TBP: variants seen among roughly 807,000 people sequenced by gnomAD.
TBP encodes the protein TATA-box binding protein, also known as TATA-box-binding protein.
TBP carries 12 observed loss-of-function variants against 46.2 expected under a neutral mutation model. The observed-to-expected ratio is 0.26, with a 90% CI of 0.17 to 0.42. The LOEUF (loss-of-function observed/expected upper bound fraction) is 0.42. TBP is among the 10% of genes least tolerant of loss of function. The pLI is 1.00. For missense variants in TBP, 229 were observed against 403.1 expected (o/e 0.57, Z 3.70); for synonymous variants, 157 against 148.3 (o/e 1.06, Z -0.42).
chr6:170,563,027 G>C (rs1456218756), intron 3 of TBP, among the ~76,000 whole-genome samples: 1 of 151,904 alleles, frequency 6.6e-6, no homozygotes, highest in Non-Finnish European at 1.5e-5. Context: ...ATCATTTTTG[G>C]AACTAAGTGG....
intron 6 of TBP, among the ~76,000 whole-genome samples, chr6:170,570,788 G>A (rs988339949): frequency 2.0e-5 from 3 of 151,876 alleles, no homozygotes; most frequent in Non-Finnish European, 2.9e-5. Flanking sequence ...AGCCAAGATC[G>A]TGCCACTGTA....
chr6:170,566,950 G>A lies in TBP; in HGVS notation c.618G>A (p.Glu206=). The A allele has an allele frequency of 6.2e-7, 1 of 1,613,708 alleles. No individual in the cohort carries two copies. Among genetic ancestry groups the A allele is most frequent in the Non-Finnish European group, 8.5e-7 (1 of 1,179,784 alleles). The change falls in exon 5 of 8, where the codon GAG becomes GAA. Residue 206 remains glutamate (E), a synonymous_variant. Transcript: ENST00000392092. ...CTGCGGTAATCATGAGGATAAGAGAGCCACGAACCACGGCACTGATTTTCA... is the reference window on the plus strand; with the variant it reads ...CTGCGGTAATCATGAGGATAAGAGAACCACGAACCACGGCACTGATTTTCA... ...RFAAVIMRIR[E]PRTTALIFSS... is the part of the protein sequence containing the mutation.
At position 170,572,294 on chromosome 6, in the gene TBP, C is replaced by T. The variant is rs1433364672; in HGVS notation, c.*29C>T. The T allele has an allele frequency of 6.6e-7, 1 of 1,526,624 alleles. No homozygotes were observed. The highest frequency in any genetic ancestry group is 8.9e-7 in the Non-Finnish European group (1 of 1,118,142). The allele number at this position is 1,526,624 out of a possible 1,614,324, so 94.6% of individuals were successfully genotyped here. On this transcript the variant is annotated 3_prime_UTR_variant, in exon 8 of 8. Coordinates refer to ENST00000392092, the MANE Select transcript of TBP (RefSeq NM_003194.5). ...CTCTCATGTACCCTTGCCTCCCCCA[C>T]CCCCTTCTTTTTTTTTTTTTAAACA...
chr6:170,570,574 T>G (rs1014409897), intron 6 of TBP, among the ~76,000 whole-genome samples: 2 of 152,174 alleles, frequency 1.3e-5, no homozygotes, highest in African/African-American at 4.8e-5. Flanking sequence ...GGCTCACACC[T>G]GTAATCCCAG....
intron 2 of TBP, among the ~76,000 whole-genome samples, chr6:170,561,341 C>T (rs759342680): frequency 3.9e-5 from 6 of 152,146 alleles, no homozygotes; most frequent in Admixed American, 2.0e-4. Context: ...GTAGTATCTC[C>T]GAGGTATGCC....
chr6:170,572,518 C>G lies in TBP; in HGVS notation c.*253C>G, dbSNP rs1358053897. 6.6e-6 allele frequency: 3 copies of G among 454,148 alleles called. No individual in the cohort carries two copies. The highest frequency in any genetic ancestry group is 7.8e-6 in the Non-Finnish European group (2 of 257,846). 28.1% of individuals were successfully genotyped at this position (454,148 alleles called of 1,614,324 possible). On this transcript the variant is annotated 3_prime_UTR_variant, in exon 8 of 8. Transcript: ENST00000392092. ...GTGCTGCTATCTGGGCAGCGCTGCCCATTTATTTATATGTAGATTTTAAAC... is the reference window on the plus strand; with the variant it reads ...GTGCTGCTATCTGGGCAGCGCTGCCGATTTATTTATATGTAGATTTTAAAC...
intron 3 of TBP, among the ~76,000 whole-genome samples, 160 bp downstream of exon 3, chr6:170,562,393 A>G (rs1442050508): frequency 1.3e-5 from 2 of 152,188 alleles, no homozygotes; most frequent in African/African-American, 4.8e-5. Context: ...AAGGGAAGCA[A>G]AGCTATCTTA....
In TBP at chr6:170,554,378, G is replaced by C. The variant is rs916625029; in HGVS notation, c.-234G>C. 7 of 152,664 alleles carry C rather than the reference G, an allele frequency of 4.6e-5. No individual in the cohort carries two copies. Among genetic ancestry groups the C allele is most frequent in the African/African-American group, 1.4e-4 (6 of 41,600 alleles). 9.5% of individuals were successfully genotyped at this position (152,664 alleles called of 1,614,324 possible). ...CGCGCGCCAGGGGTTCAGTGAGGTCGGGCAGGTTCGCTGTGGCGGGCGCCT... is the reference window on the plus strand; with the variant it reads ...CGCGCGCCAGGGGTTCAGTGAGGTCCGGCAGGTTCGCTGTGGCGGGCGCCT... On this transcript the variant is annotated 5_prime_UTR_variant, in exon 1 of 8. Transcript: ENST00000392092.
chr6:170,554,862 G>A (rs1237308939), intron 1 of TBP, among the ~76,000 whole-genome samples: 6 of 152,158 alleles, frequency 3.9e-5, no homozygotes, highest in African/African-American at 1.4e-4. Context: ...CCAACATTGA[G>A]ACTTAAATAT....
chr6:170,562,123 T>C lies in TBP; in HGVS notation c.387T>C (p.Thr129=), dbSNP rs1779161583. 1 of 1,614,114 alleles carries C rather than the reference T, an allele frequency of 6.2e-7. No homozygotes were observed. The highest frequency in any genetic ancestry group is 1.1e-5 in the South Asian group (1 of 91,080). The change falls in exon 3 of 8, where the codon ACT becomes ACC. Residue 129 remains threonine (T), a synonymous_variant. Coordinates refer to ENST00000392092, the MANE Select transcript of TBP (RefSeq NM_003194.5). The part of the protein sequence containing the change: ...PQLFHSQTLT[T]APLPGTTPLY... ...TCTTCCACTCACAGACTCTCACAACTGCACCCTTGCCGGGCACCACTCCAC... is the reference window on the plus strand; with the variant it reads ...TCTTCCACTCACAGACTCTCACAACCGCACCCTTGCCGGGCACCACTCCAC...
intron 2 of TBP, among the ~76,000 whole-genome samples, chr6:170,558,171 G>A (rs1444859915): frequency 6.6e-6 from 1 of 152,208 alleles, no homozygotes; most frequent in Non-Finnish European, 1.5e-5. Context: ...GTAAACATTT[G>A]TGTAGACTTT....
At chr6:170,562,962 A>G (rs1052551352) in intron 3 of TBP, among the ~76,000 whole-genome samples, 53 of 151,964 alleles carry the variant, frequency 3.5e-4, no homozygotes, top group African/African-American at 1.2e-3. Context: ...AGTATTTCCT[A>G]TTTGCATTTA....
chr6:170,561,709 C>G, intron 2 of TBP, 82 bp from the exon 3 acceptor site: 1 of 1,551,956 alleles, frequency 6.4e-7, no homozygotes, highest in Non-Finnish European at 8.7e-7. Flanking sequence ...CTTTGCACAC[C>G]TGACCTGCTG....
chr6:170,559,245 C>T (rs1779093671), intron 2 of TBP, among the ~76,000 whole-genome samples: 1 of 152,148 alleles, frequency 6.6e-6, no homozygotes, highest in Admixed American at 6.5e-5. Context: ...AAGAGCTGCA[C>T]ATCTCTCATT....
intron 6 of TBP, among the ~76,000 whole-genome samples, chr6:170,570,037 A>G (rs781712992): frequency 2.6e-5 from 4 of 152,070 alleles, no homozygotes; most frequent in Non-Finnish European, 5.9e-5. Flanking sequence ...TGTATGTTTT[A>G]TCGTTTTATT....
intron 2 of TBP, among the ~76,000 whole-genome samples, chr6:170,557,603 C>T (rs927288382): frequency 6.6e-6 from 1 of 151,496 alleles, no homozygotes; most frequent in Non-Finnish European, 1.5e-5. Flanking sequence ...GGTGTTGTGG[C>T]GGGTGCCTGT....
chr6:170,572,275 T>C lies in TBP; in HGVS notation c.*10T>C. The C allele has an allele frequency of 6.2e-7, 1 of 1,605,780 alleles. No homozygotes were observed. The highest frequency in any genetic ancestry group is 8.5e-7 in the Non-Finnish European group (1 of 1,174,336). ...CAGGAAGACGACGTAATGGCTCTCA[T>C]GTACCCTTGCCTCCCCCACCCCCTT... is the stretch of plus-strand genomic sequence containing the variant. On this transcript the variant is annotated 3_prime_UTR_variant, in exon 8 of 8. Coordinates refer to ENST00000392092, the MANE Select transcript of TBP (RefSeq NM_003194.5).
Position 170,562,167 on chromosome 6 carries a change from C to T in TBP, c.431C>T (p.Thr144Ile). Reference protein sequence around the residue: ...GTTPLYPSPMTPMTPITPATP... With the variant: ...GTTPLYPSPMIPMTPITPATP... ...ACTCCACTGTATCCCTCCCCCATGA[C>T]TCCCATGACCCCCATCACTCCTGCC... The change falls in exon 3 of 8, where the codon ACT (threonine) becomes ATT (isoleucine). Residue 144 changes from threonine to isoleucine, a missense_variant. Physicochemically the swap from Thr to Ile is moderately conservative, Grantham distance 89. This residue lies in a region of TBP where 67 missense variants were observed against 188.2 expected (regional missense o/e 0.36). Coordinates refer to ENST00000392092, the MANE Select transcript of TBP (RefSeq NM_003194.5). 1 of 1,614,222 alleles carries T rather than the reference C, an allele frequency of 6.2e-7. No homozygotes were observed. Among genetic ancestry groups the T allele is most frequent in the Non-Finnish European group, 8.5e-7 (1 of 1,180,052 alleles).
Position 170,572,150 on chromosome 6 carries a change from T to G in TBP, c.941-36T>G. On this transcript the variant is annotated intron_variant, in intron 7 of 7. Coordinates refer to ENST00000392092, the MANE Select transcript of TBP (RefSeq NM_003194.5). ...TCTTAATATGTTAAGAAGTGCCATT[T>G]CAGTCTCTCATCTCTACTCCAACTT... 4 of 1,517,336 alleles carry G rather than the reference T, an allele frequency of 2.6e-6. No homozygotes were observed. The African/African-American group carries it at 4.1e-5, about 16-fold the overall frequency. The allele number at this position is 1,517,336 out of a possible 1,614,324, so 94.0% of individuals were successfully genotyped here.
Sources: allele counts gnomAD v4.1 joint callset (sites outside exome capture counted in the v4.1 genomes callset), GRCh38; gene constraint gnomAD v4.1.1; regional missense constraint gnomAD v4.1.1; transcripts MANE v1.5; gene names NCBI Gene and HGNC (gene_info 2026-07-23, HGNC 2026-07-21).